The following CALCOCO2 variants were observed in gnomAD, a reference collection of about 807,000 sequenced individuals.
The protein encoded by CALCOCO2 is calcium binding and coiled-coil domain 2.
In CALCOCO2, 42 loss-of-function variants were observed where a neutral mutation model predicts 62.5. The observed-to-expected ratio is 0.67, with a 90% confidence interval of 0.53 to 0.87. The LOEUF (loss-of-function observed/expected upper bound fraction) is 0.87. Ranked by LOEUF, CALCOCO2 falls within the 40% of genes least tolerant of loss-of-function variation. The probability of loss-of-function intolerance (pLI) is 0.00; values close to 1 mark genes in which losing one functional copy is unlikely to be tolerated. For synonymous variants in CALCOCO2, 167 were observed against 173.0 expected (o/e 0.97, Z 0.27); for missense variants, 456 against 515.0 (o/e 0.89, Z 1.11).
Position 48,848,331 on chromosome 17 carries a change from T to A in CALCOCO2, c.293T>A (p.Leu98Gln), listed in dbSNP as rs1384306635. Reference protein sequence around the residue: ...QQEVQFKAYYLPKDDEYYQFC... With the variant: ...QQEVQFKAYYQPKDDEYYQFC... Reference sequence around the variant, plus strand: ...TATGTTGTGTTTTCAGCTTACTACCTGCCCAAGGATGATGAGTATTACCAG... The same window carrying A: ...TATGTTGTGTTTTCAGCTTACTACCAGCCCAAGGATGATGAGTATTACCAG... The change falls in exon 4 of 13, where the codon CTG (leucine) becomes CAG (glutamine). Residue 98 changes from leucine to glutamine, a missense_variant. Leu to Gln is a moderately radical substitution (Grantham distance 113). Transcript: ENST00000258947. 1 of 1,613,166 alleles carries A rather than the reference T, an allele frequency of 6.2e-7. No homozygotes were observed.
In CALCOCO2 at chr17:48,863,491, A is replaced by C. The variant is rs2040355657; in HGVS notation, c.*486A>C. 1 of 156,292 alleles carries C rather than the reference A, an allele frequency of 6.4e-6. No individual in the cohort carries two copies. Among genetic ancestry groups the C allele is most frequent in the East Asian group, 1.9e-4 (1 of 5,314 alleles). 9.7% of individuals were successfully genotyped at this position (156,292 alleles called of 1,614,324 possible). A position where few individuals can be genotyped will look rare whatever the true frequency, so the allele number is the denominator to read the frequency against. ...CAAATGATTGTTTTAGACTAGCCAA[A>C]AATGCCGTGGCAAAGAGCTCAGAAA... On this transcript the variant is annotated 3_prime_UTR_variant, in exon 13 of 13. Coordinates refer to ENST00000258947, the MANE Select transcript of CALCOCO2 (RefSeq NM_005831.5).
chr17:48,851,223 T>C (rs773892039), intron 6 of CALCOCO2, 46 bp downstream of exon 6: 2 of 1,045,578 alleles, frequency 1.9e-6, no homozygotes, highest in African/African-American at 3.1e-5. Flanking sequence ...TGCTGTACCA[T>C]CAGTACCCTT....
intron 2 of CALCOCO2, chr17:48,842,093 A>G: frequency 2.7e-6 from 1 of 375,500 alleles, no homozygotes; most frequent in Non-Finnish European, 4.8e-6. Context: ...AAGCTAAAAT[A>G]AGATGGCAAA....
intron 1 of CALCOCO2, among the ~76,000 whole-genome samples, chr17:48,832,246 T>C (rs952768931): frequency 6.6e-6 from 1 of 152,038 alleles, no homozygotes; most frequent in Admixed American, 6.6e-5. Flanking sequence ...ATACAAAAAT[T>C]AGTGGAGCGT....
intron 9 of CALCOCO2, chr17:48,855,702 G>C (rs73989223): frequency 0.012 from 1,839 of 153,282 alleles, 37 homozygotes; most frequent in South Asian, 0.097. Context: ...AGTGCTTCAG[G>C]CTTCGCTGAG....
chr17:48,834,720 G>A (rs1358599916), intron 1 of CALCOCO2, among the ~76,000 whole-genome samples: 1 of 152,026 alleles, frequency 6.6e-6, no homozygotes, highest in African/African-American at 2.4e-5. Flanking sequence ...TGGGAAAGGT[G>A]GTTAAAGGAG....
At position 48,841,895 on chromosome 17, in the gene CALCOCO2, G is replaced by C. The variant is rs777354852; in HGVS notation, c.180+8G>C. On this transcript the variant is annotated splice_region_variant and intron_variant, in intron 2 of 12. Transcript: ENST00000258947. ...TGGATTGGCATCTTTAGAGTAAGTGGTTAATTCAGTACCAAGTGATCAGGA... is the reference window on the plus strand; with the variant it reads ...TGGATTGGCATCTTTAGAGTAAGTGCTTAATTCAGTACCAAGTGATCAGGA... The C allele has an allele frequency of 1.9e-6, 3 of 1,598,408 alleles. No individual in the cohort carries two copies. In the Admixed American group the frequency reaches 5.1e-5, roughly 27 times the overall value.
At chr17:48,852,289 A>G in intron 7 of CALCOCO2, 1 of 445,524 alleles carries the variant, frequency 2.2e-6, no homozygotes, top group East Asian at 3.5e-5. Context: ...TCGTACTCAA[A>G]AGTCTGGAAT....
At chr17:48,847,438 G>A (rs2040067471) in intron 2 of CALCOCO2, among the ~76,000 whole-genome samples, 1 of 152,144 alleles carries the variant, frequency 6.6e-6, no homozygotes, top group Non-Finnish European at 1.5e-5. Flanking sequence ...CTGACTTGTA[G>A]ATAGAATTTT....
intron 10 of CALCOCO2, among the ~76,000 whole-genome samples, chr17:48,858,875 C>G (rs1405440366): frequency 6.6e-6 from 1 of 151,406 alleles, no homozygotes; most frequent in East Asian, 2.0e-4. Context: ...GAAACCTCAT[C>G]TCTACTAAAA....
chr17:48,841,264 A>T (rs544983348), intron 1 of CALCOCO2, among the ~76,000 whole-genome samples: 2 of 152,342 alleles, frequency 1.3e-5, no homozygotes, highest in East Asian at 3.9e-4. Flanking sequence ...TGATAATTAT[A>T]GGATAAATGG....
intron 11 of CALCOCO2, 94 bp downstream of exon 11, chr17:48,860,543 C>A: frequency 1.8e-6 from 2 of 1,124,452 alleles, no homozygotes; most frequent in South Asian, 1.4e-5. Flanking sequence ...TAAGACCAGT[C>A]TCATTGTTAA....
At chr17:48,835,048 C>CT (rs397772419) in intron 1 of CALCOCO2, among the ~76,000 whole-genome samples, 52 of 151,524 alleles carry the variant, frequency 3.4e-4, no homozygotes, top group African/African-American at 1.2e-3. Context: ...CCTGCCCCCC[C>CT]GCAAAAAAAA....
intron 2 of CALCOCO2, among the ~76,000 whole-genome samples, chr17:48,847,012 G>A (rs537952939): frequency 3.3e-5 from 5 of 152,010 alleles, no homozygotes; most frequent in African/African-American, 9.7e-5. Flanking sequence ...GCTCTGAGGC[G>A]TGTTTTGCTG....
intron 1 of CALCOCO2, among the ~76,000 whole-genome samples, chr17:48,840,422 T>A (rs577275): frequency 1.3e-5 from 2 of 152,178 alleles, no homozygotes; most frequent in African/African-American, 2.4e-5. Context: ...TGAGCCACTG[T>A]GCCCAGCCAC....
At chr17:48,836,374 G>A (rs2039890404) in intron 1 of CALCOCO2, among the ~76,000 whole-genome samples, 1 of 152,034 alleles carries the variant, frequency 6.6e-6, no homozygotes, top group African/African-American at 2.4e-5. Context: ...TTCTCCAAGG[G>A]TCAACAACAA....
intron 10 of CALCOCO2, among the ~76,000 whole-genome samples, chr17:48,859,470 C>T (rs7214304): frequency 0.11 from 17,299 of 151,864 alleles, 1,785 homozygotes; most frequent in African/African-American, 0.28. Flanking sequence ...GGCACGGTGT[C>T]GTGTGCCTGT....
chr17:48,856,429 A>C (rs2040215841), intron 10 of CALCOCO2: 2 of 487,946 alleles, frequency 4.1e-6, no homozygotes, highest in Non-Finnish European at 7.8e-6. Context: ...AGCCACACTG[A>C]TGAAGACCTA....
intron 12 of CALCOCO2, 31 bp from the exon 13 acceptor site, chr17:48,862,807 T>A (rs754104947): frequency 1.2e-6 from 2 of 1,602,460 alleles, no homozygotes; most frequent in Admixed American, 1.7e-5. Context: ...ATAGCTTACA[T>A]TTGTACTGAC....
Sources: allele counts gnomAD v4.1 joint callset (sites outside exome capture counted in the v4.1 genomes callset), GRCh38; gene constraint gnomAD v4.1.1; transcripts MANE v1.5; gene names NCBI Gene and HGNC (gene_info 2026-07-23, HGNC 2026-07-21).